Variants in MTUS2 observed in about 807,000 individuals in gnomAD.
The protein encoded by MTUS2 is microtubule-associated tumor suppressor candidate 2.
Under a neutral mutation model 114.1 loss-of-function variants are expected in MTUS2, and 40 were observed. The ratio of observed to expected loss-of-function variants is 0.35; its 90% CI spans 0.27 to 0.46. The LOEUF is 0.46. MTUS2 is among the 20% of genes least tolerant of loss of function. The pLI, the probability that MTUS2 is intolerant of heterozygous loss-of-function variation, is 1.00. For synonymous variants in MTUS2, 688 were observed against 672.0 expected (o/e 1.02, Z -0.37); for missense variants, 1,679 against 1,705.4 (o/e 0.98, Z 0.27).
intron 4 of MTUS2, among the ~76,000 whole-genome samples, chr13:29,036,527 G>A (rs1225515743): frequency 6.6e-6 from 1 of 152,100 alleles, no homozygotes; most frequent in Non-Finnish European, 1.5e-5. Context: ...TATTAAGTTG[G>A]CTTGGTCCAG....
chr13:29,330,286 GT>G (rs1202434853), intron 7 of MTUS2, among the ~76,000 whole-genome samples: 3 of 152,152 alleles, frequency 2.0e-5, no homozygotes, highest in African/African-American at 7.2e-5. Flanking sequence ...TGATGGGGTT[GT>G]TTGCTTTTTA....
At chr13:29,338,428 A>G (rs1901197262) in intron 7 of MTUS2, among the ~76,000 whole-genome samples, 1 of 101,324 alleles carries the variant, frequency 9.9e-6, no homozygotes, top group African/African-American at 2.6e-5. Context: ...CTCTATTAAA[A>G]TACAAAAAAA....
intron 5 of MTUS2, among the ~76,000 whole-genome samples, chr13:29,274,218 A>G (rs1415573429): frequency 6.6e-6 from 1 of 152,004 alleles, no homozygotes; most frequent in Non-Finnish European, 1.5e-5. Context: ...GGTTCACGCC[A>G]TTCTCTTGCC....
intron 7 of MTUS2, among the ~76,000 whole-genome samples, chr13:29,349,741 T>C (rs1359564538): frequency 6.6e-6 from 1 of 152,172 alleles, no homozygotes; most frequent in Non-Finnish European, 1.5e-5. Context: ...GTTATTCTTA[T>C]CTTTGGGTCT....
At chr13:29,339,073 G>A (rs577059670) in intron 7 of MTUS2, among the ~76,000 whole-genome samples, 1 of 152,170 alleles carries the variant, frequency 6.6e-6, no homozygotes, top group Non-Finnish European at 1.5e-5. Flanking sequence ...CTGACTCTAG[G>A]CTGGGCTGCA....
Position 29,380,654 on chromosome 13 carries a change from C to T in MTUS2, c.3117+21181C>T, listed in dbSNP as rs529204707. On this transcript the variant is annotated intron_variant, in intron 8 of 15. Coordinates refer to ENST00000612955, the MANE Select transcript of MTUS2 (RefSeq NM_001033602.4). ...TCAGCTGGCCGGGCGCGGTGGCTCA[C>T]GCCTGTAATCCCAGCACTTTGGGAG... Among the ~76,000 whole-genome samples the T allele has an allele frequency of 8.8e-4, 63 of 71,830 alleles. 26 individuals carry two copies. The South Asian group carries it at 0.033, about 38-fold the overall frequency. 47.1% of individuals were successfully genotyped at this position (71,830 alleles called of 152,430 possible). A position where few individuals can be genotyped will look rare whatever the true frequency, so the allele number is the denominator to read the frequency against.
chr13:29,330,360 CA>C (rs1900719276), intron 7 of MTUS2, among the ~76,000 whole-genome samples: 1 of 152,062 alleles, frequency 6.6e-6, no homozygotes, highest in Non-Finnish European at 1.5e-5. Flanking sequence ...GATAGATTGC[CA>C]AAATTTTCTC....
intron 5 of MTUS2, among the ~76,000 whole-genome samples, chr13:29,168,548 A>G (rs941599083): frequency 5.9e-5 from 9 of 152,210 alleles, no homozygotes; most frequent in African/African-American, 2.2e-4. Context: ...GTCGGCATTC[A>G]CAATTCAGAA....
At chr13:29,475,158 G>A (rs980413962) in intron 9 of MTUS2, among the ~76,000 whole-genome samples, 3 of 152,096 alleles carry the variant, frequency 2.0e-5, no homozygotes, top group Non-Finnish European at 4.4e-5. Context: ...CATGTACAAA[G>A]GTGGTCCCAC....
At chr13:29,321,055 T>G (rs1418329330) in intron 6 of MTUS2, among the ~76,000 whole-genome samples, 1 of 152,186 alleles carries the variant, frequency 6.6e-6, no homozygotes, top group South Asian at 2.1e-4. Flanking sequence ...ATCAAATAGA[T>G]AAGCAGTAAT....
intron 5 of MTUS2, among the ~76,000 whole-genome samples, chr13:29,116,470 C>A (rs1294464754): frequency 6.6e-6 from 1 of 152,094 alleles, no homozygotes; most frequent in East Asian, 1.9e-4. Context: ...AGTTCCAAGA[C>A]CCCCAGTGGA....
At chr13:29,361,531 A>T (rs1335826388) in intron 8 of MTUS2, among the ~76,000 whole-genome samples, 3 of 152,110 alleles carry the variant, frequency 2.0e-5, no homozygotes, top group Admixed American at 6.5e-5. Flanking sequence ...CATGCATGCC[A>T]TGTAGTTTAA....
intron 2 of MTUS2, among the ~76,000 whole-genome samples, chr13:28,971,910 G>A (rs1311273778): frequency 6.6e-6 from 1 of 152,160 alleles, no homozygotes; most frequent in Admixed American, 6.5e-5. Flanking sequence ...TAAAGTAACC[G>A]ATGCAATTCA....
chr13:29,057,723 A>G (rs2138630698), intron 4 of MTUS2, among the ~76,000 whole-genome samples: 1 of 152,262 alleles, frequency 6.6e-6, no homozygotes, highest in Admixed American at 6.5e-5. Flanking sequence ...TGTAGACAGC[A>G]TACAGTCAGG....
chr13:29,071,727 A>G (rs1468241901), intron 4 of MTUS2, among the ~76,000 whole-genome samples: 1 of 152,046 alleles, frequency 6.6e-6, no homozygotes, highest in Non-Finnish European at 1.5e-5. Flanking sequence ...TATATTCTTC[A>G]GGGCAGTTTT....
intron 5 of MTUS2, among the ~76,000 whole-genome samples, chr13:29,122,671 T>C (rs909711737): frequency 4.9e-4 from 74 of 152,208 alleles, no homozygotes; most frequent in African/African-American, 1.4e-3. Context: ...ACTATCTGTC[T>C]AAATCAGCCC....
chr13:29,134,502 C>A (rs1401121287), intron 5 of MTUS2, among the ~76,000 whole-genome samples: 1 of 152,152 alleles, frequency 6.6e-6, no homozygotes, highest in Non-Finnish European at 1.5e-5. Flanking sequence ...TGATTTCTTT[C>A]TTCAGTTCCA....
At chr13:29,209,491 GTTT>G (rs760267271) in intron 5 of MTUS2, among the ~76,000 whole-genome samples, 1 of 142,028 alleles carries the variant, frequency 7.0e-6, no homozygotes, top group African/African-American at 2.6e-5. Flanking sequence ...ATACCTTGTT[GTTT>G]TTTTTTTTCA....
intron 2 of MTUS2, among the ~76,000 whole-genome samples, chr13:28,992,103 C>G (rs562120422): frequency 5.3e-5 from 8 of 152,184 alleles, no homozygotes; most frequent in Admixed American, 2.0e-4. Context: ...CCCTTCTCTT[C>G]TCTGTAGTTC....
Sources: gnomAD v4.1 joint callset for allele counts (sites outside exome capture counted in the v4.1 genomes callset) on GRCh38, gnomAD v4.1.1 for gene constraint, MANE v1.5 for transcripts, NCBI Gene and HGNC (gene_info 2026-07-23, HGNC 2026-07-21) for gene names.